Variants in DLG2 observed in about 807,000 individuals in gnomAD.
DLG2 encodes the protein disks large homolog 2.
DLG2 carries 45 observed loss-of-function variants against 132.5 expected under a neutral mutation model. The ratio of observed to expected loss-of-function variants is 0.34; its 90% CI spans 0.27 to 0.44. The LOEUF (loss-of-function observed/expected upper bound fraction) is 0.44. Ranked by LOEUF, DLG2 falls within the 20% of genes least tolerant of loss-of-function variation. The pLI is 1.00. For missense variants in DLG2, 1,045 were observed against 1,196.9 expected (o/e 0.87, Z 1.87); for synonymous variants, 424 against 419.6 (o/e 1.01, Z -0.13).
intron 21 of DLG2, among the ~76,000 whole-genome samples, chr11:83,495,701 C>T (rs1190130189): frequency 1.3e-5 from 2 of 152,136 alleles, no homozygotes; most frequent in Admixed American, 6.6e-5. Flanking sequence ...CTGAACCTCA[C>T]TCTCATAAGT....
At chr11:85,139,836 T>C (rs2076351809) in intron 5 of DLG2, among the ~76,000 whole-genome samples, 1 of 152,052 alleles carries the variant, frequency 6.6e-6, no homozygotes, top group Admixed American at 6.6e-5. Context: ...TTTTTAAATT[T>C]TATTTTGTAT....
chr11:84,718,901 T>C (rs2061502505), intron 6 of DLG2, among the ~76,000 whole-genome samples: 2 of 152,200 alleles, frequency 1.3e-5, no homozygotes, highest in Non-Finnish European at 1.5e-5. Flanking sequence ...AGCTACTCTT[T>C]AGTATGGGCA....
chr11:85,587,760 T>C (rs768010796), intron 3 of DLG2, among the ~76,000 whole-genome samples: 1 of 152,082 alleles, frequency 6.6e-6, no homozygotes, highest in Non-Finnish European at 1.5e-5. Context: ...ACATCTTGGG[T>C]TTTTTCTTTT....
chr11:84,642,140 G>GTGTGTGTA (rs2099667980), intron 6 of DLG2, among the ~76,000 whole-genome samples: 1 of 143,520 alleles, frequency 7.0e-6, no homozygotes, highest in Admixed American at 7.0e-5. Context: ...GTGTGTGTGT[G>GTGTGTGTA]TGTATTAAAA....
chr11:85,130,184 ATCC>A (rs1313862368), intron 5 of DLG2, among the ~76,000 whole-genome samples: 1 of 152,206 alleles, frequency 6.6e-6, no homozygotes, highest in Non-Finnish European at 1.5e-5. Context: ...CTGCACATGT[ATCC>A]CAGAACTTAA....
At chr11:84,615,673 T>G (rs1429392839) in intron 6 of DLG2, among the ~76,000 whole-genome samples, 1 of 151,788 alleles carries the variant, frequency 6.6e-6, no homozygotes, top group Non-Finnish European at 1.5e-5. Context: ...TGTTTCCATC[T>G]AAAATATTGC....
chr11:84,322,682 C>A (rs942069763), intron 7 of DLG2, among the ~76,000 whole-genome samples: 1 of 151,936 alleles, frequency 6.6e-6, no homozygotes, highest in African/African-American at 2.4e-5. Flanking sequence ...CTCCACATCC[C>A]AGGTTCTGGC....
chr11:83,887,048 C>G (rs969705108), intron 15 of DLG2, among the ~76,000 whole-genome samples: 4 of 152,040 alleles, frequency 2.6e-5, no homozygotes, highest in Non-Finnish European at 5.9e-5. Context: ...ACTAGAAAAG[C>G]AAGAGCAAAC....
chr11:84,372,532 T>A (rs2098710609), intron 7 of DLG2, among the ~76,000 whole-genome samples: 1 of 152,194 alleles, frequency 6.6e-6, no homozygotes, highest in African/African-American at 2.4e-5. Flanking sequence ...CCATGAACTA[T>A]CTGTGCATTG....
chr11:85,343,473 T>G (rs566326340), intron 3 of DLG2, among the ~76,000 whole-genome samples: 1 of 152,310 alleles, frequency 6.6e-6, no homozygotes, highest in South Asian at 2.1e-4. Context: ...TGACTCATGG[T>G]CAAGTTTTAG....
chr11:85,346,001 C>T (rs958239382), intron 3 of DLG2, among the ~76,000 whole-genome samples: 6 of 151,734 alleles, frequency 4.0e-5, no homozygotes, highest in Non-Finnish European at 7.4e-5. Flanking sequence ...GAATTCAGGG[C>T]GAGTCCACAG....
At chr11:85,213,463 TAGCTA>T (rs565403378) in intron 4 of DLG2, among the ~76,000 whole-genome samples, 1 of 152,130 alleles carries the variant, frequency 6.6e-6, no homozygotes, top group Non-Finnish European at 1.5e-5. Context: ...CACTGGCACT[TAGCTA>T]AAAGAGTTAT....
intron 6 of DLG2, among the ~76,000 whole-genome samples, chr11:85,083,813 AG>A (rs2067551742): frequency 6.6e-6 from 1 of 152,110 alleles, no homozygotes; most frequent in African/African-American, 2.4e-5. Context: ...GATTGTTTTA[AG>A]GTCTCTGTTT....
chr11:83,518,895 A>T (rs2140335689), intron 21 of DLG2, among the ~76,000 whole-genome samples: 1 of 152,322 alleles, frequency 6.6e-6, no homozygotes, highest in East Asian at 1.9e-4. Flanking sequence ...GATTTAAAAT[A>T]GCAAATTCAG....
At chr11:85,068,795 A>C (rs2065323336) in intron 6 of DLG2, among the ~76,000 whole-genome samples, 1 of 152,278 alleles carries the variant, frequency 6.6e-6, no homozygotes, top group Non-Finnish European at 1.5e-5. Context: ...GAATTGGAAA[A>C]AACTACTTTA....
chr11:83,951,040 A>G (rs2085292948), intron 14 of DLG2, among the ~76,000 whole-genome samples: 1 of 152,210 alleles, frequency 6.6e-6, no homozygotes, highest in South Asian at 2.1e-4. Context: ...GATTAACAAA[A>G]TAAATGAAAA....
At chr11:83,461,002 T>G (rs919994846) in intron 27 of DLG2, among the ~76,000 whole-genome samples, 2 of 63,840 alleles carry the variant, frequency 3.1e-5, no homozygotes, top group African/African-American at 1.4e-4. Context: ...TTCTTGGGTT[T>G]TTTTTTTTTT....
At chr11:85,459,398 G>C (rs2153054402) in intron 3 of DLG2, among the ~76,000 whole-genome samples, 1 of 152,250 alleles carries the variant, frequency 6.6e-6, no homozygotes, top group Non-Finnish European at 1.5e-5. Context: ...TGGAAGCTCA[G>C]GTGAAGCCCT....
intron 11 of DLG2, among the ~76,000 whole-genome samples, chr11:84,020,024 C>T (rs1432388048): frequency 6.6e-6 from 1 of 152,056 alleles, no homozygotes; most frequent in Non-Finnish European, 1.5e-5. Flanking sequence ...GGGAAAAGCA[C>T]ATGGAGAACT....
Sources: gnomAD v4.1 joint callset for allele counts (sites outside exome capture counted in the v4.1 genomes callset) on GRCh38, gnomAD v4.1.1 for gene constraint, MANE v1.5 for transcripts, NCBI Gene and HGNC (gene_info 2026-07-23, HGNC 2026-07-21) for gene names.